Variants in CNTNAP4 observed in about 807,000 individuals in gnomAD.
The protein encoded by CNTNAP4 is contactin-associated protein-like 4.
CNTNAP4 carries 98 observed loss-of-function variants against 148.4 expected under a neutral mutation model. The observed-to-expected ratio is 0.66, with a 90% CI of 0.56 to 0.78. CNTNAP4 has a LOEUF of 0.78. Among genes scored for constraint, CNTNAP4 ranks in the 30% least tolerant of loss-of-function variants. The pLI is 0.00. For missense variants in CNTNAP4, 1,935 were observed against 1,565.6 expected, an observed-to-expected ratio of 1.24 and a Z score of -3.98; for synonymous variants, 730 against 565.1, an observed-to-expected ratio of 1.29 and a Z score of -4.14.
intron 1 of CNTNAP4, among the ~76,000 whole-genome samples, chr16:76,287,296 AG>A (rs1958927495): frequency 6.6e-6 from 1 of 152,220 alleles, no homozygotes; most frequent in African/African-American, 2.4e-5. Flanking sequence ...GAATGGAAAA[AG>A]GAGGCTAATG....
intron 3 of CNTNAP4, among the ~76,000 whole-genome samples, chr16:76,407,537 G>T (rs1311195478): frequency 6.6e-6 from 1 of 151,988 alleles, no homozygotes; most frequent in Non-Finnish European, 1.5e-5. Context: ...ACTTTGAGGG[G>T]TTCAAGACTT....
intron 4 of CNTNAP4, among the ~76,000 whole-genome samples, chr16:76,433,045 A>G (rs1383997204): frequency 1.3e-5 from 2 of 152,060 alleles, no homozygotes; most frequent in Non-Finnish European, 2.9e-5. Context: ...CTAATACCCC[A>G]CATTCAAATC....
chr16:76,492,399 G>T (rs542583442), intron 13 of CNTNAP4, among the ~76,000 whole-genome samples: 1 of 152,052 alleles, frequency 6.6e-6, no homozygotes, highest in South Asian at 2.1e-4. Context: ...ATTTTACTGC[G>T]AAGCTGAAAA....
chr16:76,407,338 C>A (rs1405867773), intron 3 of CNTNAP4, among the ~76,000 whole-genome samples: 1 of 152,096 alleles, frequency 6.6e-6, no homozygotes, highest in South Asian at 2.1e-4. Context: ...TGAAGAAATA[C>A]ATTTTGTAAG....
chr16:76,379,419 A>G (rs902486332), intron 3 of CNTNAP4, among the ~76,000 whole-genome samples: 9 of 151,880 alleles, frequency 5.9e-5, no homozygotes, highest in African/African-American at 2.2e-4. Flanking sequence ...TTTGTCAAAT[A>G]TATTTTCTCG....
chr16:76,542,352 G>A (rs2144308142), intron 21 of CNTNAP4, among the ~76,000 whole-genome samples: 1 of 152,256 alleles, frequency 6.6e-6, no homozygotes, highest in South Asian at 2.1e-4. Flanking sequence ...AGGTATTTCT[G>A]AACATTATTT....
chr16:76,354,404 C>T (rs554201745), intron 2 of CNTNAP4, among the ~76,000 whole-genome samples: 1 of 152,186 alleles, frequency 6.6e-6, no homozygotes, highest in Non-Finnish European at 1.5e-5. Flanking sequence ...GAACATACAT[C>T]ACAACTTGTA....
At chr16:76,392,862 A>G (rs1225495321) in intron 3 of CNTNAP4, among the ~76,000 whole-genome samples, 1 of 152,190 alleles carries the variant, frequency 6.6e-6, no homozygotes, top group Non-Finnish European at 1.5e-5. Context: ...CTGTCAATGA[A>G]TGAAAGGTCG....
At chr16:76,449,027 A>G (rs1410877807) in intron 6 of CNTNAP4, 76 bp downstream of exon 6, 10 of 1,331,054 alleles carry the variant, frequency 7.5e-6, no homozygotes, top group African/African-American at 4.4e-5. Context: ...AAAATACACT[A>G]TAAAGAGCCC....
At chr16:76,279,640 T>C (rs111909153) in intron 1 of CNTNAP4, among the ~76,000 whole-genome samples, 2,632 of 152,272 alleles carry the variant, frequency 0.017, 26 homozygotes, top group Non-Finnish European at 0.029. Context: ...TATACGATTT[T>C]TCATTATAAA....
rs758886652 is a variant in CNTNAP4 at position 76,355,519 on chromosome 16, C to T, written c.390+8C>T. 1.9e-6 allele frequency: 3 copies of T among 1,581,310 alleles called. No homozygotes were observed. Among genetic ancestry groups the T allele is most frequent in the Non-Finnish European group, 2.6e-6 (3 of 1,163,526 alleles). Reference sequence around the variant, plus strand: ...CAAGAGGACAGCATCTGGGTATGTTCTTTAACAAAAGACATAGTCTCTCGG... The same window carrying T: ...CAAGAGGACAGCATCTGGGTATGTTTTTTAACAAAAGACATAGTCTCTCGG... On this transcript the variant is annotated splice_region_variant and intron_variant, in intron 3 of 23. Coordinates refer to ENST00000611870, the MANE Select transcript of CNTNAP4 (RefSeq NM_033401.5).
At chr16:76,515,610 T>G (rs935483551) in intron 15 of CNTNAP4, among the ~76,000 whole-genome samples, 1 of 152,128 alleles carries the variant, frequency 6.6e-6, no homozygotes, top group Non-Finnish European at 1.5e-5. Context: ...ACCTGACCTG[T>G]GAGATTTTGT....
chr16:76,338,788 T>A (rs1964228784), intron 2 of CNTNAP4, among the ~76,000 whole-genome samples: 1 of 152,198 alleles, frequency 6.6e-6, no homozygotes, highest in Admixed American at 6.5e-5. Context: ...TACAACCTTT[T>A]GGCTCAGTCT....
intron 2 of CNTNAP4, among the ~76,000 whole-genome samples, chr16:76,327,840 G>A (rs1303815901): frequency 6.6e-6 from 1 of 152,218 alleles, no homozygotes; most frequent in African/African-American, 2.4e-5. Flanking sequence ...AGGCTGCTCA[G>A]AAGTGTGTGT....
intron 21 of CNTNAP4, among the ~76,000 whole-genome samples, chr16:76,545,585 TAA>T (rs57344497): frequency 6.6e-6 from 1 of 151,490 alleles, no homozygotes; most frequent in Non-Finnish European, 1.5e-5. Flanking sequence ...CTACTTACAC[TAA>T]AAAAAAATAC....
At chr16:76,287,277 A>T (rs1177880652) in intron 1 of CNTNAP4, among the ~76,000 whole-genome samples, 2 of 152,242 alleles carry the variant, frequency 1.3e-5, no homozygotes, top group East Asian at 3.8e-4. Flanking sequence ...GGTCAAATAC[A>T]TACTAGGGGA....
intron 10 of CNTNAP4, among the ~76,000 whole-genome samples, chr16:76,473,963 C>T (rs10871325): frequency 0.5 from 75,442 of 151,664 alleles, 18,990 homozygotes; most frequent in Admixed American, 0.59. Flanking sequence ...AATTTGATCA[C>T]GGCTATTTGA....
chr16:76,511,678 C>T (rs1009472363), intron 15 of CNTNAP4, among the ~76,000 whole-genome samples: 6 of 152,030 alleles, frequency 3.9e-5, no homozygotes, highest in African/African-American at 1.4e-4. Context: ...TTCAATTTCA[C>T]TTTTGTATGC....
chr16:76,494,122 C>T (rs1164340026), intron 13 of CNTNAP4, among the ~76,000 whole-genome samples: 4 of 151,794 alleles, frequency 2.6e-5, no homozygotes, highest in East Asian at 1.9e-4. Context: ...ACATGCTTCA[C>T]GTCCTTCTCT....
Sources: gnomAD v4.1 joint callset for allele counts (sites outside exome capture counted in the v4.1 genomes callset) on GRCh38, gnomAD v4.1.1 for gene constraint, MANE v1.5 for transcripts, NCBI Gene and HGNC (gene_info 2026-07-23, HGNC 2026-07-21) for gene names.